AMZ1: variants seen among roughly 807,000 people sequenced by gnomAD.
AMZ1 encodes archaemetzincin-1.
Under a neutral mutation model 29.9 loss-of-function variants are expected in AMZ1, and 39 were observed. The observed-to-expected ratio is 1.30, with a 90% CI of 1.01 to 1.70. The LOEUF is 1.70. Among genes scored for constraint, AMZ1 ranks in the 40% most tolerant of loss-of-function variants. AMZ1 has a pLI of 0.00. For synonymous variants in AMZ1, 458 were observed against 304.0 expected (o/e 1.51, Z -5.27); for missense variants, 1,041 against 680.6 (o/e 1.53, Z -5.89).
At chr7:2,723,873 G>C (rs1266510781), downstream of AMZ1, among the ~76,000 whole-genome samples, 1 of 152,190 alleles carries the variant, frequency 6.6e-6, no homozygotes, top group Non-Finnish European at 1.5e-5. Context: ...CCCTACATCT[G>C]TCTCTGCGGC....
chr7:2,743,788 A>G (rs1395569812), intron 4 of AMZ1, among the ~76,000 whole-genome samples: 3 of 152,140 alleles, frequency 2.0e-5, no homozygotes, highest in Non-Finnish European at 4.4e-5. Context: ...GAAAGGGGTG[A>G]CACATAGCAC....
At chr7:2,735,823 C>T (rs1285903673) in intron 4 of AMZ1, among the ~76,000 whole-genome samples, 3 of 152,104 alleles carry the variant, frequency 2.0e-5, no homozygotes, top group African/African-American at 4.8e-5. Flanking sequence ...CCAGGGGGTC[C>T]GTGGGAAAGC....
In AMZ1 at chr7:2,702,737, C is replaced by T. The variant is rs545587786; in HGVS notation, c.320C>T (p.Pro107Leu). Residue 107 changes from proline (P) to leucine (L), a missense_variant, in exon 3 of 7, where the codon CCG becomes CTG. Pro to Leu is a moderately conservative substitution (Grantham distance 98, BLOSUM62 -3). Coordinates refer to ENST00000683327, the MANE Select transcript of AMZ1 (RefSeq NM_001384743.1). Reference sequence around the variant, plus strand: ...CTCCCACCAGACCTGAGCGAGGAGCCGGTGGGAAGCTCCCTGCTGCACCAG... The same window carrying T: ...CTCCCACCAGACCTGAGCGAGGAGCTGGTGGGAAGCTCCCTGCTGCACCAG... ...YLQPIDLSEE[P>L]VGSSLLHQLC... is the part of the protein sequence containing the mutation. 14 of 1,536,072 alleles carry T rather than the reference C, an allele frequency of 9.1e-6. No individual in the cohort carries two copies. Among genetic ancestry groups the T allele is most frequent in the Admixed American group, 5.9e-5 (3 of 50,808 alleles).
Position 2,702,701 on chromosome 7 carries a change from ACGG to A in AMZ1, c.305-20_305-18del, listed in dbSNP as rs746722027. 195 of 1,514,348 alleles carry A rather than the reference ACGG, an allele frequency of 1.3e-4. No homozygotes were observed. Among genetic ancestry groups the A allele is most frequent in the Non-Finnish European group, 1.7e-4 (189 of 1,130,630 alleles). The allele number at this position is 1,514,348 out of a possible 1,614,324, so 93.8% of individuals were successfully genotyped here. ...GGCGGGCAGGGGCGTCGCAGGGCTG[ACGG>A]TGCTGCTCTCCCACCAGACCTGAGC... On this transcript the variant is annotated intron_variant, in intron 2 of 6. Coordinates refer to ENST00000683327, the MANE Select transcript of AMZ1 (RefSeq NM_001384743.1).
chr7:2,739,209 A>C (rs566614475), intron 4 of AMZ1, among the ~76,000 whole-genome samples: 1 of 152,340 alleles, frequency 6.6e-6, no homozygotes, highest in East Asian at 1.9e-4. Flanking sequence ...CCATTTTGAC[A>C]TGAACCATTC....
At chr7:2,737,274 G>GTTTTGTTTT (rs1790242698) in intron 4 of AMZ1, among the ~76,000 whole-genome samples, 3 of 35,032 alleles carry the variant, frequency 8.6e-5, no homozygotes, top group African/African-American at 3.0e-4. Context: ...GTTTTGTTTT[G>GTTTTGTTTT]TTTTTTTTTT....
chr7:2,716,615 C>A lies in AMZ1; in HGVS notation c.*3737C>A, dbSNP rs533141689. On this transcript the variant is annotated 3_prime_UTR_variant, in exon 7 of 7. Transcript: ENST00000683327. ...AGAACATTCCAGGGACACACCTACA[C>A]GCAGAGGGTCTCCATACAGTGCCAA... The A allele has an allele frequency of 6.6e-6, 1 of 152,212 alleles. No individual in the cohort carries two copies. Among genetic ancestry groups the A allele is most frequent in the Admixed American group, 6.5e-5 (1 of 15,282 alleles). 9.4% of individuals were successfully genotyped at this position (152,212 alleles called of 1,614,324 possible).
At chr7:2,740,326 A>G (rs977492044) in intron 4 of AMZ1, among the ~76,000 whole-genome samples, 5 of 152,128 alleles carry the variant, frequency 3.3e-5, no homozygotes, top group African/African-American at 1.2e-4. Flanking sequence ...AGGTGACTGA[A>G]GGTAGGGACC....
At chr7:2,709,355 T>A in intron 5 of AMZ1, 111 bp downstream of exon 5, 1 of 1,198,170 alleles carries the variant, frequency 8.3e-7, no homozygotes, top group Non-Finnish European at 1.1e-6. Context: ...GATGGACCCC[T>A]AACTCTATGG....
chr7:2,727,406 C>A (rs577818544), intron 4 of AMZ1, among the ~76,000 whole-genome samples: 8 of 152,058 alleles, frequency 5.3e-5, no homozygotes, highest in African/African-American at 1.9e-4. Flanking sequence ...AAGATGGGGT[C>A]TTTGCTCTTG....
chr7:2,703,301 C>A (rs573791665), intron 3 of AMZ1, among the ~76,000 whole-genome samples: 1 of 152,118 alleles, frequency 6.6e-6, no homozygotes, highest in South Asian at 2.1e-4. Flanking sequence ...CCACCACACC[C>A]GGCTAATTTT....
Position 2,731,875 on chromosome 7 carries a change from A to C in AMZ1, n.550+22059A>C. On this transcript the variant is annotated intron_variant and non_coding_transcript_variant, in intron 4 of 4. Coordinates refer to the AMZ1 transcript ENST00000489665. This position sits in a 1 kb window ranked among gnomAD's most constrained non-coding sequence, Gnocchi z 6.0. ...ACTTTTGCAACAGGTTGAACCAGAA[A>C]CCAAAAGCAAATTTCATTTATAACA... The C allele has an allele frequency of 1.9e-6, 1 of 532,356 alleles. No homozygotes were observed. The highest frequency in any genetic ancestry group is 3.3e-6 in the Non-Finnish European group (1 of 307,552). 33.0% of individuals were successfully genotyped at this position (532,356 alleles called of 1,614,324 possible).
At chr7:2,755,932 T>C (rs114427317) in intron 4 of AMZ1, among the ~76,000 whole-genome samples, 1,779 of 152,320 alleles carry the variant, frequency 0.012, 36 homozygotes, top group African/African-American at 0.04. Context: ...TCAATACAAA[T>C]CCCAGCAGGC....
downstream of AMZ1, among the ~76,000 whole-genome samples, chr7:2,720,796 C>T (rs536473876): frequency 1.3e-5 from 2 of 152,284 alleles, no homozygotes; most frequent in South Asian, 4.1e-4. Context: ...CTGCCTCAGC[C>T]TCCTAAGTAG....
intron 6 of AMZ1, among the ~76,000 whole-genome samples, chr7:2,711,994 C>G (rs1223779107): frequency 6.6e-6 from 1 of 152,148 alleles, no homozygotes; most frequent in East Asian, 1.9e-4. Context: ...TTGCAGTGAG[C>G]TGAGATCGCA....
upstream of AMZ1, among the ~76,000 whole-genome samples, chr7:2,763,998 G>C (rs1282149463): frequency 6.6e-6 from 1 of 152,202 alleles, no homozygotes; most frequent in African/African-American, 2.4e-5. Context: ...CGCACCTAAA[G>C]TGAGGCTTGC....
At chr7:2,709,981 TC>T (rs1583175646) in intron 6 of AMZ1, among the ~76,000 whole-genome samples, 165 bp downstream of exon 6, 1 of 152,294 alleles carries the variant, frequency 6.6e-6, no homozygotes, top group East Asian at 1.9e-4. Context: ...TTGAGCTCCA[TC>T]CGGATCTCAC....
intron 3 of AMZ1, among the ~76,000 whole-genome samples, chr7:2,707,167 G>A (rs1252604809): frequency 6.6e-6 from 1 of 152,020 alleles, no homozygotes; most frequent in East Asian, 1.9e-4. Context: ...CTGCTACTCA[G>A]GAAGCTGAGG....
chr7:2,686,071 T>C (rs1289653792), upstream of AMZ1, among the ~76,000 whole-genome samples: 1 of 152,130 alleles, frequency 6.6e-6, no homozygotes, highest in Non-Finnish European at 1.5e-5. Context: ...CACAGTGATA[T>C]ATGCTAGTGA....
Sources: gnomAD v4.1 joint callset for allele counts (sites outside exome capture counted in the v4.1 genomes callset) on GRCh38, gnomAD v4.1.1 for gene constraint, Gnocchi (gnomAD v3.1) non-coding constraint, MANE v1.5 for transcripts, NCBI Gene and HGNC (gene_info 2026-07-23, HGNC 2026-07-21) for gene names.